The following TYW1B variants were observed in gnomAD, a reference collection of about 807,000 sequenced individuals.
TYW1B encodes the protein tRNA-yW synthesizing protein 1 homolog B.
TYW1B carries 73 observed loss-of-function variants against 86.9 expected under a neutral mutation model. The observed-to-expected ratio is 0.84, with a 90% CI of 0.70 to 1.02. The LOEUF (loss-of-function observed/expected upper bound fraction) is 1.02. Ranked by LOEUF, TYW1B falls within the 50% of genes least tolerant of loss-of-function variation. The probability of loss-of-function intolerance (pLI) is 0.00; values close to 1 mark genes in which losing one functional copy is unlikely to be tolerated. For missense variants in TYW1B, 637 were observed against 827.4 expected, an observed-to-expected ratio of 0.77 and a Z score of 2.82; for synonymous variants, 248 against 292.8, an observed-to-expected ratio of 0.85 and a Z score of 1.56.
intron 10 of TYW1B, among the ~76,000 whole-genome samples, chr7:72,704,851 C>G (rs1814575521): frequency 6.6e-6 from 1 of 152,138 alleles, no homozygotes; most frequent in South Asian, 2.1e-4. Context: ...TAGATCTTTT[C>G]TAGCCCAGAG....
Position 72,826,937 on chromosome 7 carries a change from CATA to C in TYW1B, c.50_52del (p.Leu17del). ...CAGATAAATGTAAAACCTGTTTATC[CATA>C]ATGATATTAAAGGTGAGGAGAGGTC... On this transcript the variant is annotated inframe_deletion, in exon 2 of 14. Coordinates refer to ENST00000620995, the MANE Select transcript of TYW1B (RefSeq NM_001145440.3). 1 of 1,613,730 alleles carries C rather than the reference CATA, an allele frequency of 6.2e-7. No individual in the cohort carries two copies. Among genetic ancestry groups the C allele is most frequent in the East Asian group, 2.2e-5 (1 of 44,852 alleles).
intron 13 of TYW1B, among the ~76,000 whole-genome samples, chr7:72,612,580 T>C (rs1240178280): frequency 9.9e-5 from 15 of 152,216 alleles, no homozygotes; most frequent in African/African-American, 2.6e-4. Flanking sequence ...GTCAAAGTAG[T>C]TGGCTGAACA....
At chr7:72,795,140 C>T (rs1214337661) in intron 6 of TYW1B, among the ~76,000 whole-genome samples, 1 of 151,910 alleles carries the variant, frequency 6.6e-6, no homozygotes, top group African/African-American at 2.4e-5. Context: ...GTTTATCTGT[C>T]CTGCCTCCCC....
chr7:72,618,469 G>A lies in TYW1B; in HGVS notation c.1618-1630C>T, dbSNP rs576698657. Reference sequence around the variant, plus strand: ...TGACCTCAAATGATCTGCCCATCTCGGCCTCCCATGTGCTGGGATTACAGG... The same window carrying A: ...TGACCTCAAATGATCTGCCCATCTCAGCCTCCCATGTGCTGGGATTACAGG... On this transcript the variant is annotated intron_variant, in intron 12 of 13. Transcript: ENST00000620995. Among the ~76,000 whole-genome samples, 8 of 152,020 alleles carry A rather than the reference G, an allele frequency of 5.3e-5. No homozygotes were observed. The East Asian group carries it at 7.7e-4, about 15-fold the overall frequency.
At chr7:72,799,747 G>A (rs1196315432) in intron 6 of TYW1B, among the ~76,000 whole-genome samples, 3 of 152,164 alleles carry the variant, frequency 2.0e-5, no homozygotes, top group Non-Finnish European at 2.9e-5. Flanking sequence ...TTACAGGCAT[G>A]AGCCACCGCA....
chr7:72,635,323 G>A (rs1812640653), intron 11 of TYW1B, among the ~76,000 whole-genome samples: 1 of 152,096 alleles, frequency 6.6e-6, no homozygotes, highest in Non-Finnish European at 1.5e-5. Flanking sequence ...TTTAATTACT[G>A]TTGCTTTACA....
At chr7:72,750,258 A>ATG (rs1554464827) in intron 7 of TYW1B, among the ~76,000 whole-genome samples, 1 of 152,120 alleles carries the variant, frequency 6.6e-6, no homozygotes, top group Non-Finnish European at 1.5e-5. Flanking sequence ...TCTGCTAGCA[A>ATG]CAAATTCTTT....
At chr7:72,612,769 T>G (rs1554436175) in intron 13 of TYW1B, among the ~76,000 whole-genome samples, 1 of 151,980 alleles carries the variant, frequency 6.6e-6, no homozygotes, top group Non-Finnish European at 1.5e-5. Context: ...TTTTTTTTTT[T>G]GAGATGGTCT....
intron 11 of TYW1B, among the ~76,000 whole-genome samples, chr7:72,674,040 C>T (rs1554446870): frequency 1.3e-5 from 2 of 152,058 alleles, no homozygotes; most frequent in South Asian, 2.1e-4. Flanking sequence ...ACCCACCATT[C>T]CCTGTGGGCA....
At chr7:72,709,168 G>C (rs545900800) in intron 10 of TYW1B, among the ~76,000 whole-genome samples, 2 of 152,230 alleles carry the variant, frequency 1.3e-5, no homozygotes, top group African/African-American at 4.8e-5. Flanking sequence ...TCTCAGACTT[G>C]CTTTTGTTCT....
At chr7:72,659,438 C>T (rs1813279740) in intron 11 of TYW1B, among the ~76,000 whole-genome samples, 2 of 152,100 alleles carry the variant, frequency 1.3e-5, no homozygotes, top group African/African-American at 2.4e-5. Context: ...ATGAGCCAGG[C>T]GTGGTGGCCC....
At chr7:72,810,388 GTGTTTGTGTGTGTGTA>G in intron 4 of TYW1B, 67 bp downstream of exon 4, 1 of 115,466 alleles carries the variant, frequency 8.7e-6, no homozygotes, top group Non-Finnish European at 1.6e-5. Context: ...GTGTGCACGT[GTGTTTGTGTGTGTGTA>G]CGTGTGTGTG....
chr7:72,721,161 G>C (rs1172902337), intron 9 of TYW1B, among the ~76,000 whole-genome samples: 1 of 152,068 alleles, frequency 6.6e-6, no homozygotes, highest in Non-Finnish European at 1.5e-5. Context: ...ATGGACATTT[G>C]GGTTGGCCAA....
At chr7:72,766,029 G>A (rs1554468261) in intron 7 of TYW1B, among the ~76,000 whole-genome samples, 1 of 152,164 alleles carries the variant, frequency 6.6e-6, no homozygotes, top group Non-Finnish European at 1.5e-5. Flanking sequence ...GCCTCTGCTG[G>A]TAACTTAACA....
At chr7:72,762,940 G>A (rs939762833) in intron 7 of TYW1B, among the ~76,000 whole-genome samples, 21 of 152,028 alleles carry the variant, frequency 1.4e-4, no homozygotes, top group African/African-American at 4.6e-4. Flanking sequence ...GATTACAGGC[G>A]TGAGCCACCA....
At chr7:72,763,898 G>A (rs1554467816) in intron 7 of TYW1B, among the ~76,000 whole-genome samples, 1 of 152,140 alleles carries the variant, frequency 6.6e-6, no homozygotes, top group Non-Finnish European at 1.5e-5. Flanking sequence ...AATGGTAAGT[G>A]ATATTAGATC....
At chr7:72,693,878 T>A (rs1814238590) in intron 11 of TYW1B, among the ~76,000 whole-genome samples, 5 of 152,170 alleles carry the variant, frequency 3.3e-5, no homozygotes, top group Admixed American at 3.3e-4. Flanking sequence ...GTACTACATA[T>A]TATAAGTAAT....
At chr7:72,667,050 A>AAAAAAAT (rs1813482618) in intron 11 of TYW1B, among the ~76,000 whole-genome samples, 1 of 149,826 alleles carries the variant, frequency 6.7e-6, no homozygotes, top group South Asian at 2.1e-4. Flanking sequence ...AAAAAAAAAA[A>AAAAAAAT]AGAAACTAAA....
At chr7:72,693,642 A>T (rs1563061183) in intron 11 of TYW1B, among the ~76,000 whole-genome samples, 1 of 151,494 alleles carries the variant, frequency 6.6e-6, no homozygotes, top group African/African-American at 2.4e-5. Context: ...CGATCTGCCC[A>T]CCTTGGCCTC....
Sources: gnomAD v4.1 joint callset for allele counts (sites outside exome capture counted in the v4.1 genomes callset) on GRCh38, gnomAD v4.1.1 for gene constraint, MANE v1.5 for transcripts, NCBI Gene and HGNC (gene_info 2026-07-23, HGNC 2026-07-21) for gene names.